The following PIGF variants were observed in gnomAD, a reference collection of about 807,000 sequenced individuals.
PIGF encodes the protein phosphatidylinositol glycan anchor biosynthesis class F, also known as GPI ethanolamine phosphate transferase, stabilizing subunit.
Under a neutral mutation model 26.0 loss-of-function variants are expected in PIGF, and 23 were observed. That is an observed-to-expected ratio of 0.88 (90% CI 0.64 to 1.25). The LOEUF is 1.25. PIGF is among the 50% of genes most tolerant of loss of function. PIGF has a pLI of 0.00. For synonymous variants in PIGF, 93 were observed against 92.6 expected (o/e 1.00, Z -0.03); for missense variants, 278 against 249.9 (o/e 1.11, Z -0.76).
At chr2:46,614,013 A>C (rs190124966) in intron 2 of PIGF, 10 of 433,688 alleles carry the variant, frequency 2.3e-5, no homozygotes, top group East Asian at 2.3e-4. Context: ...TATTCTACCC[A>C]TCCGACCTAC....
intron 3 of PIGF, 152 bp downstream of exon 3, chr2:46,613,542 A>T (rs1034224647): frequency 2.8e-5 from 16 of 563,424 alleles, no homozygotes; most frequent in South Asian, 1.8e-4. Flanking sequence ...TGTTTTTTTT[A>T]AAAAAGAATA....
chr2:46,594,743 C>T (rs1669828468), intron 4 of PIGF, among the ~76,000 whole-genome samples: 4 of 151,134 alleles, frequency 2.6e-5, no homozygotes, highest in Admixed American at 1.3e-4. Context: ...ACCATGTTGG[C>T]CAGGCTGGTC....
chr2:46,597,123 G>C (rs748728306), intron 4 of PIGF, among the ~76,000 whole-genome samples: 1 of 152,176 alleles, frequency 6.6e-6, no homozygotes, highest in African/African-American at 2.4e-5. Flanking sequence ...CTGCTGTGCT[G>C]TGGGGTCCCT....
chr2:46,596,113 C>G (rs1488927760), intron 4 of PIGF, among the ~76,000 whole-genome samples: 1 of 151,234 alleles, frequency 6.6e-6, no homozygotes, highest in Admixed American at 6.6e-5. Flanking sequence ...ACTCGGGAGG[C>G]TGAGAACGGA....
At chr2:46,585,973 A>G (rs180862516) in intron 5 of PIGF, among the ~76,000 whole-genome samples, 445 of 152,242 alleles carry the variant, frequency 2.9e-3, no homozygotes, top group Non-Finnish European at 4.4e-3. Context: ...ACAGGGTTTC[A>G]ATGTGTTAGC....
Position 46,581,196 on chromosome 2 carries a change from A to G in PIGF, c.*282T>C. 2.0e-6 allele frequency: 2 copies of G among 995,512 alleles called. No individual in the cohort carries two copies. Among genetic ancestry groups the G allele is most frequent in the Non-Finnish European group, 1.4e-6 (1 of 692,768 alleles). 61.7% of individuals were successfully genotyped at this position (995,512 alleles called of 1,614,324 possible). A position where few individuals can be genotyped will look rare whatever the true frequency, so the allele number is the denominator to read the frequency against. On this transcript the variant is annotated 3_prime_UTR_variant, in exon 6 of 6. Coordinates refer to ENST00000281382, the MANE Select transcript of PIGF (RefSeq NM_002643.4). The stretch of plus-strand genomic sequence containing the variant: ...ATGAAGCAGTTCAAAACTTGAAAGA[A>G]AACAAAACCTGTCCTCAGAATTCTA...
intron 4 of PIGF, among the ~76,000 whole-genome samples, chr2:46,598,097 T>C (rs1669943703): frequency 6.6e-6 from 1 of 152,190 alleles, no homozygotes; most frequent in South Asian, 2.1e-4. Context: ...ACCTTTTTGT[T>C]TGACTAGGGA....
At chr2:46,596,090 T>G (rs1669874996) in intron 4 of PIGF, among the ~76,000 whole-genome samples, 1 of 151,880 alleles carries the variant, frequency 6.6e-6, no homozygotes, top group Admixed American at 6.6e-5. Flanking sequence ...GTCAGGCACC[T>G]GTAATCCCAG....
intron 5 of PIGF, among the ~76,000 whole-genome samples, chr2:46,583,674 T>C (rs1669477736): frequency 6.6e-6 from 1 of 152,198 alleles, no homozygotes. Context: ...AACTGCCTTA[T>C]TTTCAGAAGC....
chr2:46,592,647 G>T (rs925053631), intron 4 of PIGF, 64 bp from the exon 5 acceptor site: 11 of 788,834 alleles, frequency 1.4e-5, no homozygotes, highest in Non-Finnish European at 2.3e-5. Context: ...AATCCAACAA[G>T]CACTAGCACA....
chr2:46,581,375 C>T lies in PIGF; in HGVS notation c.*103G>A, dbSNP rs903826517. On this transcript the variant is annotated 3_prime_UTR_variant, in exon 6 of 6. Transcript: ENST00000281382. Reference sequence around the variant, plus strand: ...CTACAATCACATCATGTTGTAACTACGTAAAAAACAGAGCTGTAAATGGAA... The same window carrying T: ...CTACAATCACATCATGTTGTAACTATGTAAAAAACAGAGCTGTAAATGGAA... The T allele has an allele frequency of 3.9e-5, 59 of 1,494,146 alleles. No homozygotes were observed. Among genetic ancestry groups the T allele is most frequent in the African/African-American group, 8.4e-5 (6 of 71,228 alleles). 92.6% of individuals were successfully genotyped at this position (1,494,146 alleles called of 1,614,324 possible). A position where few individuals can be genotyped will look rare whatever the true frequency, so the allele number is the denominator to read the frequency against.
intron 4 of PIGF, among the ~76,000 whole-genome samples, chr2:46,609,708 T>G (rs985243386): frequency 6.7e-6 from 1 of 149,970 alleles, no homozygotes. Flanking sequence ...AGAGGGAGGG[T>G]GGGGAAGGGA....
intron 4 of PIGF, among the ~76,000 whole-genome samples, chr2:46,603,601 C>A (rs780624076): frequency 6.6e-6 from 1 of 151,788 alleles, no homozygotes; most frequent in African/African-American, 2.4e-5. Flanking sequence ...GAACATACAC[C>A]GGGGAAAGAG....
chr2:46,599,045 C>T (rs1669976524), intron 4 of PIGF, among the ~76,000 whole-genome samples: 1 of 152,116 alleles, frequency 6.6e-6, no homozygotes, highest in African/African-American at 2.4e-5. Context: ...AAGCCTGGCT[C>T]CCAGTACTTT....
intron 4 of PIGF, among the ~76,000 whole-genome samples, chr2:46,595,012 T>A (rs1484200842): frequency 6.8e-6 from 1 of 147,834 alleles, no homozygotes; most frequent in Non-Finnish European, 1.5e-5. Context: ...TTTTTTGTAT[T>A]TTTTTTTAGT....
intron 4 of PIGF, among the ~76,000 whole-genome samples, chr2:46,601,633 C>G (rs1286885724): frequency 6.6e-6 from 1 of 152,054 alleles, no homozygotes; most frequent in African/African-American, 2.4e-5. Context: ...AAACAAATGC[C>G]TCTTTGCCAC....
Position 46,617,023 on chromosome 2 carries a change from G to C in PIGF, c.-75C>G. On this transcript the variant is annotated 5_prime_UTR_variant, in exon 1 of 6. Transcript: ENST00000281382. ...GGGGAACTACTGCCTCCTACCATCAGGTACGACGGGCGGCCCAGGCCCACG... is the reference window on the plus strand; with the variant it reads ...GGGGAACTACTGCCTCCTACCATCACGTACGACGGGCGGCCCAGGCCCACG... The C allele has an allele frequency of 1.7e-6, 1 of 586,568 alleles. No homozygotes were observed. Among genetic ancestry groups the C allele is most frequent in the Non-Finnish European group, 3.0e-6 (1 of 329,658 alleles). 36.3% of individuals were successfully genotyped at this position (586,568 alleles called of 1,614,324 possible).
At chr2:46,602,631 GA>G (rs1670095053) in intron 4 of PIGF, among the ~76,000 whole-genome samples, 3 of 151,810 alleles carry the variant, frequency 2.0e-5, no homozygotes, top group Non-Finnish European at 4.4e-5. Flanking sequence ...AATACAGGAT[GA>G]ATGATAAAAA....
At position 46,581,090 on chromosome 2, in the gene PIGF, T is replaced by C. The variant is rs1338390908; in HGVS notation, c.*388A>G. 1 of 1,508,532 alleles carries C rather than the reference T, an allele frequency of 6.6e-7. No individual in the cohort carries two copies. The highest frequency in any genetic ancestry group is 2.5e-4 in the Middle Eastern group (1 of 4,000). The allele number at this position is 1,508,532 out of a possible 1,614,324, so 93.4% of individuals were successfully genotyped here. A position where few individuals can be genotyped will look rare whatever the true frequency, so the allele number is the denominator to read the frequency against. On this transcript the variant is annotated 3_prime_UTR_variant, in exon 6 of 6. Transcript: ENST00000281382. ...CTGTTGTTTAATTACGTGAGAAACATCTTCAGTGGCCAAGGAAACTGTCCA... is the reference window on the plus strand; with the variant it reads ...CTGTTGTTTAATTACGTGAGAAACACCTTCAGTGGCCAAGGAAACTGTCCA...
Sources: gnomAD v4.1 joint callset for allele counts (sites outside exome capture counted in the v4.1 genomes callset) on GRCh38, gnomAD v4.1.1 for gene constraint, MANE v1.5 for transcripts, NCBI Gene and HGNC (gene_info 2026-07-23, HGNC 2026-07-21) for gene names.